Variants in CBR4 observed in about 807,000 individuals in gnomAD.
The protein encoded by CBR4 is 3-oxoacyl-[acyl-carrier-protein] reductase.
In CBR4, 22 loss-of-function variants were observed where a neutral mutation model predicts 21.0. That is an observed-to-expected ratio of 1.05 (90% CI 0.75 to 1.50). CBR4 has a LOEUF of 1.50. CBR4 is among the 40% of genes most tolerant of loss of function. The pLI is 0.00. For synonymous variants in CBR4, 100 were observed against 104.4 expected, an observed-to-expected ratio of 0.96 and a Z score of 0.26; for missense variants, 302 against 286.3, an observed-to-expected ratio of 1.05 and a Z score of -0.40.
intron 2 of CBR4, among the ~76,000 whole-genome samples, chr4:168,933,993 C>G (rs1019516864): frequency 5.3e-5 from 8 of 151,654 alleles, no homozygotes; most frequent in Admixed American, 1.3e-4. Context: ...CATACCAAAC[C>G]CTGTGTGATA....
At chr4:168,924,989 G>T in intron 2 of CBR4, 1 of 1,614,072 alleles carries the variant, frequency 6.2e-7, no homozygotes, top group Non-Finnish European at 8.5e-7. Flanking sequence ...CTCATTCAGG[G>T]AGCCACAAAA....
In CBR4 at chr4:168,894,653, G is replaced by A. The variant is rs762267147; in HGVS notation, n.282C>T. 4 of 1,613,440 alleles carry A rather than the reference G, an allele frequency of 2.5e-6. No individual in the cohort carries two copies. In the Admixed American group the frequency reaches 6.7e-5, roughly 27 times the overall value. Reference sequence around the variant, plus strand: ...GTGCAACTGTCTTTAATATTCAGGAGCCAGAAGAGGAAACAGCTAATCAGG... The same window carrying A: ...GTGCAACTGTCTTTAATATTCAGGAACCAGAAGAGGAAACAGCTAATCAGG... On this transcript the variant is annotated non_coding_transcript_exon_variant, in exon 3 of 4. Coordinates refer to the CBR4 transcript ENST00000509108.
intron 2 of CBR4, among the ~76,000 whole-genome samples, chr4:168,958,586 G>A (rs1763755046): frequency 6.6e-6 from 1 of 152,222 alleles, no homozygotes; most frequent in Non-Finnish European, 1.5e-5. Flanking sequence ...ATATGTAGGA[G>A]TAGAATGGCT....
intron 2 of CBR4, among the ~76,000 whole-genome samples, chr4:168,960,967 C>T (rs990824695): frequency 2.6e-5 from 4 of 152,182 alleles, no homozygotes; most frequent in African/African-American, 9.7e-5. Context: ...GAGCTCTATC[C>T]AATCTCAAAC....
chr4:168,983,176 A>G (rs926705803), downstream of CBR4, among the ~76,000 whole-genome samples: 1 of 152,138 alleles, frequency 6.6e-6, no homozygotes, highest in Non-Finnish European at 1.5e-5. Flanking sequence ...TAGCTATACT[A>G]ATTTTTTTAA....
intron 4 of CBR4, among the ~76,000 whole-genome samples, chr4:168,999,741 T>C (rs1490656425): frequency 6.6e-6 from 1 of 151,978 alleles, no homozygotes; most frequent in East Asian, 1.9e-4. Flanking sequence ...GTATGCAAAC[T>C]GGATTCCCAC....
At chr4:168,901,185 G>A (rs1203475904) in intron 2 of CBR4, among the ~76,000 whole-genome samples, 1 of 151,880 alleles carries the variant, frequency 6.6e-6, no homozygotes, top group Non-Finnish European at 1.5e-5. Context: ...GTCTACTTTG[G>A]CATATGCCAT....
chr4:169,008,702 C>T (rs1287668522), intron 1 of CBR4, among the ~76,000 whole-genome samples: 1 of 152,146 alleles, frequency 6.6e-6, no homozygotes, highest in African/African-American at 2.4e-5. Flanking sequence ...TTTGAAAGCC[C>T]AACTAATGGC....
Position 168,897,668 on chromosome 4 carries a change from T to C in CBR4, n.170-2903A>G, listed in dbSNP as rs1280243940. Among the ~76,000 whole-genome samples, 3 of 152,224 alleles carry C rather than the reference T, an allele frequency of 2.0e-5. No individual in the cohort carries two copies. In the East Asian group the frequency reaches 5.8e-4, roughly 29 times the overall value. On this transcript the variant is annotated intron_variant and non_coding_transcript_variant, in intron 2 of 3. Transcript: ENST00000509108. ...GGTCTCACTTTGTTGCCCAAGCTGG[T>C]CTCAAACTCCTGGCCAGAAGCAATC...
intron 2 of CBR4, among the ~76,000 whole-genome samples, chr4:168,931,918 C>T (rs1762980734): frequency 6.6e-6 from 1 of 150,900 alleles, no homozygotes; most frequent in South Asian, 2.1e-4. Context: ...CTAACTGACA[C>T]TATAAGATCC....
intron 2 of CBR4, among the ~76,000 whole-genome samples, chr4:168,968,589 T>C (rs879337090): frequency 5.9e-5 from 9 of 152,238 alleles, no homozygotes; most frequent in Non-Finnish European, 1.0e-4. Flanking sequence ...CTAGTCAAGA[T>C]ACCGTTTCTG....
Position 168,988,215 on chromosome 4 carries a change from GTTTAT to G in CBR4, c.*1930_*1934del. The G allele has an allele frequency of 1.0e-6, 1 of 985,442 alleles. No individual in the cohort carries two copies. Among genetic ancestry groups the G allele is most frequent in the African/African-American group, 1.7e-5 (1 of 57,370 alleles). 61.0% of individuals were successfully genotyped at this position (985,442 alleles called of 1,614,324 possible). ...ATTCACCTGGAGTGGAGCAGTGAAG[GTTTAT>G]TTTACCTCTTTCAAGATCTCTCCAT... On this transcript the variant is annotated 3_prime_UTR_variant, in exon 5 of 5. Transcript: ENST00000306193.
At chr4:168,971,772 C>T (rs1232186805) in intron 2 of CBR4, among the ~76,000 whole-genome samples, 1 of 152,110 alleles carries the variant, frequency 6.6e-6, no homozygotes, top group African/African-American at 2.4e-5. Context: ...ATTTCTTTTG[C>T]TGTGCAGAAG....
downstream of CBR4, among the ~76,000 whole-genome samples, chr4:168,986,346 G>A (rs1451358308): frequency 1.3e-5 from 2 of 152,178 alleles, no homozygotes; most frequent in Non-Finnish European, 2.9e-5. Flanking sequence ...TCTAACTTTA[G>A]TTCAACAATC....
intron 2 of CBR4, among the ~76,000 whole-genome samples, chr4:168,946,448 A>G (rs1488611496): frequency 6.6e-6 from 1 of 152,204 alleles, no homozygotes; most frequent in African/African-American, 2.4e-5. Context: ...AATTCTCTCA[A>G]AAGTTCACAG....
At chr4:168,961,915 G>A (rs1027900387) in intron 2 of CBR4, among the ~76,000 whole-genome samples, 16 of 147,570 alleles carry the variant, frequency 1.1e-4, no homozygotes, top group Admixed American at 3.4e-4. Flanking sequence ...GAGAGGGGAG[G>A]GGAGGGGAGA....
chr4:168,986,073 GA>G (rs1008831780), downstream of CBR4, among the ~76,000 whole-genome samples: 1 of 138,886 alleles, frequency 7.2e-6, no homozygotes, highest in Non-Finnish European at 1.6e-5. Context: ...AGTTGGAAAG[GA>G]AAAAAAAGAA....
At chr4:168,923,853 T>C (rs1762058676) in intron 2 of CBR4, among the ~76,000 whole-genome samples, 1 of 152,180 alleles carries the variant, frequency 6.6e-6, no homozygotes, top group Non-Finnish European at 1.5e-5. Context: ...AGTGGTCAAA[T>C]TCCTAGAAAT....
At chr4:168,924,892 C>T in intron 2 of CBR4, 1 of 1,600,886 alleles carries the variant, frequency 6.2e-7, no homozygotes, top group Non-Finnish European at 8.6e-7. Flanking sequence ...GCTTCATGTC[C>T]AAAGCCACTT....
Sources: gnomAD v4.1 joint callset for allele counts (sites outside exome capture counted in the v4.1 genomes callset) on GRCh38, gnomAD v4.1.1 for gene constraint, MANE v1.5 for transcripts, NCBI Gene and HGNC (gene_info 2026-07-23, HGNC 2026-07-21) for gene names.